Variants in ZNF141 observed in about 807,000 individuals in gnomAD.
ZNF141 encodes the protein zinc finger protein 141.
Under a neutral mutation model 11.3 loss-of-function variants are expected in ZNF141, and 7 were observed. The observed-to-expected ratio is 0.62, with a 90% CI of 0.35 to 1.16. ZNF141 has a LOEUF of 1.16. ZNF141 is among the 50% of genes most tolerant of loss of function. The probability of loss-of-function intolerance (pLI) is 0.02; values close to 1 mark genes in which losing one functional copy is unlikely to be tolerated. For synonymous variants in ZNF141, 183 were observed against 190.7 expected, an observed-to-expected ratio of 0.96 and a Z score of 0.33; for missense variants, 535 against 554.0, an observed-to-expected ratio of 0.97 and a Z score of 0.34.
At position 372,735 on chromosome 4, in the gene ZNF141, C is replaced by T; in HGVS notation, c.298C>T (p.Leu100=). 14 of 1,612,752 alleles carry T rather than the reference C, an allele frequency of 8.7e-6. No individual in the cohort carries two copies. Among genetic ancestry groups the T allele is most frequent in the Non-Finnish European group, 1.2e-5 (14 of 1,179,276 alleles). The change falls in exon 4 of 4, where the codon CTG becomes TTG. Residue 100 remains leucine (L), a synonymous_variant. Transcript: ENST00000240499. Reference sequence around the variant, plus strand: ...AGAAGATTCATTCCACAAACTTATACTGAGAAGATATGAGAAATGTGGACA... The same window carrying T: ...AGAAGATTCATTCCACAAACTTATATTGAGAAGATATGAGAAATGTGGACA... ...GIEDSFHKLI[L]RRYEKCGHDN...
At position 380,168 on chromosome 4, in the gene ZNF141, C is replaced by T. The variant is rs1266744268; in HGVS notation, c.*6306C>T. On this transcript the variant is annotated 3_prime_UTR_variant, in exon 4 of 4. Transcript: ENST00000240499. ...TGTTTCAAATGAAAAGATTTCCTCC[C>T]TTTTAACGTTGAATTGTATTTCCTT... 6.6e-6 allele frequency among the ~76,000 whole-genome samples: 1 copy of T among 152,184 alleles called. No homozygotes were observed. Among genetic ancestry groups the T allele is most frequent in the African/African-American group, 2.4e-5 (1 of 41,452 alleles).
In ZNF141 at chr4:345,076, G is replaced by T. The variant is rs370773403; in HGVS notation, c.226+646G>T. Among the ~76,000 whole-genome samples the T allele has an allele frequency of 1.1e-4, 16 of 152,250 alleles. No individual in the cohort carries two copies. In the East Asian group the frequency reaches 1.5e-3, roughly 15 times the overall value. On this transcript the variant is annotated intron_variant, in intron 3 of 3. Transcript: ENST00000240499. ...TATTTGTGTTACTGAGGAGCTGTATGTCAAAGTATTTTTTTCAAGTATTCT... is the reference window on the plus strand; with the variant it reads ...TATTTGTGTTACTGAGGAGCTGTATTTCAAAGTATTTTTTTCAAGTATTCT...
At chr4:341,939 A>G (rs1721070216) in intron 1 of ZNF141, among the ~76,000 whole-genome samples, 1 of 152,236 alleles carries the variant, frequency 6.6e-6, no homozygotes, top group South Asian at 2.1e-4. Context: ...CTATCCCTGC[A>G]GTTTCAGTGG....
chr4:378,615 A>G lies in ZNF141; in HGVS notation c.*4753A>G, dbSNP rs1712476275. Among the ~76,000 whole-genome samples, 1 of 152,100 alleles carries G rather than the reference A, an allele frequency of 6.6e-6. No individual in the cohort carries two copies. The highest frequency in any genetic ancestry group is 6.6e-5 in the Admixed American group (1 of 15,260). ...GAATGTTAAATGGTGGAAAAACAATAGAATGATCTCTGTAGATTCAAAATC... is the reference window on the plus strand; with the variant it reads ...GAATGTTAAATGGTGGAAAAACAATGGAATGATCTCTGTAGATTCAAAATC... On this transcript the variant is annotated 3_prime_UTR_variant, in exon 4 of 4. Transcript: ENST00000240499.
intron 3 of ZNF141, among the ~76,000 whole-genome samples, chr4:346,782 G>A (rs573247084): frequency 6.6e-6 from 1 of 151,550 alleles, no homozygotes; most frequent in Non-Finnish European, 1.5e-5. Flanking sequence ...TATCCATGTT[G>A]TAAATGGCTA....
At position 380,982 on chromosome 4, in the gene ZNF141, G is replaced by C. The variant is rs1175353053; in HGVS notation, c.*7120G>C. 6.6e-6 allele frequency among the ~76,000 whole-genome samples: 1 copy of C among 152,066 alleles called. No individual in the cohort carries two copies. The highest frequency in any genetic ancestry group is 2.4e-5 in the African/African-American group (1 of 41,396). On this transcript the variant is annotated 3_prime_UTR_variant, in exon 4 of 4. Transcript: ENST00000240499. Reference sequence around the variant, plus strand: ...TCTAGAATTGCCCTTCGATACTGACGTACTTGGGAACAGCTTTCCTTTCAA... The same window carrying C: ...TCTAGAATTGCCCTTCGATACTGACCTACTTGGGAACAGCTTTCCTTTCAA...
In ZNF141 at chr4:353,934, A is replaced by G. The variant is rs1018158594; in HGVS notation, c.226+9504A>G. Among the ~76,000 whole-genome samples the G allele has an allele frequency of 4.6e-5, 7 of 152,136 alleles. No homozygotes were observed. In the East Asian group the frequency reaches 1.3e-3, roughly 29 times the overall value. On this transcript the variant is annotated intron_variant, in intron 3 of 3. Coordinates refer to ENST00000240499, the MANE Select transcript of ZNF141 (RefSeq NM_003441.4). ...CATTCACACACATGCACGCTAAGCA[A>G]TGGTATGGCCGTGCTTCTCTCATGA...
At chr4:349,751 G>A (rs890267344) in intron 3 of ZNF141, among the ~76,000 whole-genome samples, 1 of 152,128 alleles carries the variant, frequency 6.6e-6, no homozygotes, top group Admixed American at 6.6e-5. Flanking sequence ...TGTATTACCA[G>A]AGATTTGGAC....
At position 343,821 on chromosome 4, in the gene ZNF141, C is replaced by G; in HGVS notation, c.43C>G (p.Pro15Ala). The stretch of plus-strand genomic sequence containing the variant: ...CAGGGATGTGGCCATAGAATTCTCT[C>G]CAGAAGAGTGGAAATGCCTGGACCC... ...TFRDVAIEFS[P>A]EEWKCLDPDQ... The change falls in exon 2 of 4, where the codon CCA becomes GCA. Residue 15 changes from proline (P) to alanine (A), a missense_variant. Transcript: ENST00000240499. The G allele has an allele frequency of 1.2e-5, 19 of 1,608,892 alleles. No individual in the cohort carries two copies. The highest frequency in any genetic ancestry group is 1.5e-5 in the Non-Finnish European group (18 of 1,178,728).
At chr4:339,603 T>C (rs566416441) in intron 1 of ZNF141, among the ~76,000 whole-genome samples, 11 of 152,354 alleles carry the variant, frequency 7.2e-5, no homozygotes, top group African/African-American at 2.6e-4. Flanking sequence ...GGAAAGAATT[T>C]TTACTCTTCT....
At position 383,342 on chromosome 4, in the gene ZNF141, T is replaced by C. The variant is rs1581639664; in HGVS notation, c.*9480T>C. 3.5e-6 allele frequency: 2 copies of C among 571,506 alleles called. No homozygotes were observed. The highest frequency in any genetic ancestry group is 3.1e-6 in the Non-Finnish European group (1 of 324,452). 35.4% of individuals were successfully genotyped at this position (571,506 alleles called of 1,614,324 possible). A position where few individuals can be genotyped will look rare whatever the true frequency, so the allele number is the denominator to read the frequency against. Reference sequence around the variant, plus strand: ...ATGTTTCGGGATTGTTATGCAGTTATAAGTTAGTAATATATACACCCATTA... The same window carrying C: ...ATGTTTCGGGATTGTTATGCAGTTACAAGTTAGTAATATATACACCCATTA... On this transcript the variant is annotated 3_prime_UTR_variant, in exon 4 of 4. Coordinates refer to ENST00000240499, the MANE Select transcript of ZNF141 (RefSeq NM_003441.4).
chr4:347,937 C>T lies in ZNF141; in HGVS notation c.226+3507C>T, dbSNP rs192492877. Among the ~76,000 whole-genome samples, 485 of 150,884 alleles carry T rather than the reference C, an allele frequency of 3.2e-3. 6 individuals are homozygous for T. The highest frequency in any genetic ancestry group is 0.011 in the African/African-American group (448 of 41,028). ...TTTGCTCACTGCAACCTCTGTCTCT[C>T]GGGTTCAAGCGATTCTCCTGCCTCA... On this transcript the variant is annotated intron_variant, in intron 3 of 3. Transcript: ENST00000240499.
In ZNF141 at chr4:373,607, T is replaced by A; in HGVS notation, c.1170T>A (p.Thr390=). 6.2e-7 allele frequency: 1 copy of A among 1,614,142 alleles called. No homozygotes were observed. Among genetic ancestry groups the A allele is most frequent in the Non-Finnish European group, 8.5e-7 (1 of 1,179,992 alleles). Residue 390 remains threonine (T), a synonymous_variant, in exon 4 of 4, where the codon ACT becomes ACA. Transcript: ENST00000240499. ...RVLNEHKKIH[T]GEKPYKCEEC... ...TGAATGAACATAAAAAAATTCATAC[T>A]GGAGAGAAACCCTACAAATGTGAAG... is the stretch of plus-strand genomic sequence containing the variant.
chr4:368,906 TTTAA>T (rs1711885569), intron 3 of ZNF141, among the ~76,000 whole-genome samples: 1 of 152,232 alleles, frequency 6.6e-6, no homozygotes. Flanking sequence ...TCTGGAAGAA[TTTAA>T]TTAGAAATTT....
In ZNF141 at chr4:381,022, C is replaced by T. The variant is rs1399844852; in HGVS notation, c.*7160C>T. 6.6e-6 allele frequency among the ~76,000 whole-genome samples: 1 copy of T among 152,136 alleles called. No homozygotes were observed. Among genetic ancestry groups the T allele is most frequent in the Non-Finnish European group, 1.5e-5 (1 of 68,018 alleles). On this transcript the variant is annotated 3_prime_UTR_variant, in exon 4 of 4. Transcript: ENST00000240499. ...TTTCCTTTCAACTGTCCTTCACCACCCCTTTAGCAATTCAGAATATTTATA... is the reference window on the plus strand; with the variant it reads ...TTTCCTTTCAACTGTCCTTCACCACTCCTTTAGCAATTCAGAATATTTATA...
chr4:369,760 ATATATT>A (rs1711951821), intron 3 of ZNF141, among the ~76,000 whole-genome samples: 13 of 34,068 alleles, frequency 3.8e-4, no homozygotes, highest in Admixed American at 2.3e-3. Context: ...ATATATATAT[ATATATT>A]TTTTTTTTTT....
Position 373,922 on chromosome 4 carries a change from G to A in ZNF141, c.*60G>A. On this transcript the variant is annotated 3_prime_UTR_variant, in exon 4 of 4. Transcript: ENST00000240499. The stretch of plus-strand genomic sequence containing the variant: ...CTTTGGATGATCCACAAACCTTAAT[G>A]AACATGAGAAAATTTATACTGTAGA... The A allele has an allele frequency of 2.1e-6, 3 of 1,418,396 alleles. No homozygotes were observed. Among genetic ancestry groups the A allele is most frequent in the East Asian group, 2.3e-5 (1 of 43,704 alleles). The allele number at this position is 1,418,396 out of a possible 1,614,324, so 87.9% of individuals were successfully genotyped here.
intron 1 of ZNF141, 100 bp downstream of exon 1, chr4:338,086 C>T: frequency 3.2e-6 from 5 of 1,540,220 alleles, no homozygotes; most frequent in Non-Finnish European, 4.4e-6. Flanking sequence ...TCCCCGCTGC[C>T]GCCGCTCAGC....
chr4:365,480 T>C (rs1711697124), intron 3 of ZNF141, among the ~76,000 whole-genome samples: 5 of 151,874 alleles, frequency 3.3e-5, no homozygotes, highest in Admixed American at 3.3e-4. Context: ...ACGGGAGGTC[T>C]CTGCTCTATT....
Sources: allele counts gnomAD v4.1 joint callset (sites outside exome capture counted in the v4.1 genomes callset), GRCh38; gene constraint gnomAD v4.1.1; transcripts MANE v1.5; gene names NCBI Gene and HGNC (gene_info 2026-07-23, HGNC 2026-07-21).